The following TMPRSS9 variants were observed in gnomAD, a reference collection of about 807,000 sequenced individuals.
TMPRSS9 encodes transmembrane serine protease 9.
Under a neutral mutation model 111.4 loss-of-function variants are expected in TMPRSS9, and 113 were observed. That is an observed-to-expected ratio of 1.01 (90% CI 0.87 to 1.19). The LOEUF is 1.19. TMPRSS9 is among the 50% of genes most tolerant of loss of function. TMPRSS9 has a pLI of 0.00. For synonymous variants in TMPRSS9, 805 were observed against 659.1 expected (o/e 1.22, Z -3.39); for missense variants, 1,803 against 1,513.1 (o/e 1.19, Z -3.18).
chr19:2,363,254 C>T (rs987376637), intron 1 of TMPRSS9, among the ~76,000 whole-genome samples: 1 of 152,120 alleles, frequency 6.6e-6, no homozygotes, highest in Non-Finnish European at 1.5e-5. Flanking sequence ...GTGTAAAATA[C>T]GGAGCTTGGA....
intron 1 of TMPRSS9, among the ~76,000 whole-genome samples, chr19:2,374,248 CTTTTTTTTTTTTT>C (rs1027376774): frequency 0.057 from 4,008 of 70,324 alleles, 334 homozygotes; most frequent in African/African-American, 0.17. Context: ...TCTCAACAAT[CTTTTTTTTTTTTT>C]TTTTTTTTTT....
intron 4 of TMPRSS9, among the ~76,000 whole-genome samples, chr19:2,401,070 C>G (rs368204438): frequency 6.2e-5 from 9 of 145,546 alleles, no homozygotes; most frequent in South Asian, 2.2e-4. Context: ...GTCAGGAGAT[C>G]GAGACCATCC....
At position 2,414,019 on chromosome 19, in the gene TMPRSS9, G is replaced by C. The variant is rs763881424; in HGVS notation, c.1573+1G>C. 2 of 1,565,158 alleles carry C rather than the reference G, an allele frequency of 1.3e-6. No homozygotes were observed. The highest frequency in any genetic ancestry group is 1.7e-6 in the Non-Finnish European group (2 of 1,151,118). On this transcript the variant is annotated splice_donor_variant, in intron 10 of 17. Coordinates refer to ENST00000648592, the Ensembl canonical transcript of TMPRSS9. LOFTEE classifies it high-confidence loss of function. ...TGGGTCACCGTTCCTAAGCTACAAG[G>C]TATTTTCGGGGCAGAAAGGTAGAAG...
intron 1 of TMPRSS9, among the ~76,000 whole-genome samples, chr19:2,376,972 G>T (rs1339905382): frequency 6.6e-6 from 1 of 152,004 alleles, no homozygotes; most frequent in African/African-American, 2.4e-5. Flanking sequence ...ACACCAGCGC[G>T]TGTCTGGCCC....
intron 14 of TMPRSS9, 44 bp from the exon 16 acceptor site, chr19:2,424,045 A>G: frequency 8.0e-7 from 1 of 1,249,454 alleles, no homozygotes; most frequent in Non-Finnish European, 1.0e-6. Flanking sequence ...TTCGTGGAGG[A>G]GGTGCCCTGG....
rs140023303 is a variant in TMPRSS9 at position 2,396,653 on chromosome 19, C to T, written c.257C>T (p.Thr86Ile). ...GACTATCACCGCACGCTGACGCCCA[C>T]CCTGGAGGCACTGGTGAGGGTGGTC... is the stretch of plus-strand genomic sequence containing the variant. The change falls in exon 2 of 18, where the codon ACC becomes ATC. Residue 86 changes from threonine (T) to isoleucine (I), a missense_variant. Physicochemically the swap from Thr to Ile is moderately conservative, Grantham distance 89. Transcript: ENST00000648592. The T allele has an allele frequency of 3.1e-6, 5 of 1,608,560 alleles. No individual in the cohort carries two copies. In the African/African-American group the frequency reaches 6.7e-5, roughly 21 times the overall value.
intron 1 of TMPRSS9, 88 bp from the exon 3 acceptor site, chr19:2,396,451 G>A: frequency 6.9e-7 from 1 of 1,444,144 alleles, no homozygotes; most frequent in South Asian, 1.4e-5. Flanking sequence ...GTGTGTGAGT[G>A]CAAACAGGGC....
intron 9 of TMPRSS9, among the ~76,000 whole-genome samples, chr19:2,410,853 C>T (rs1407902200): frequency 6.6e-6 from 1 of 152,128 alleles, no homozygotes; most frequent in Admixed American, 6.6e-5. Context: ...CAACGTGGCA[C>T]CCAAGAAACA....
intron 1 of TMPRSS9, among the ~76,000 whole-genome samples, chr19:2,371,470 T>G (rs998658172): frequency 2.6e-5 from 4 of 152,112 alleles, no homozygotes; most frequent in African/African-American, 9.7e-5. Context: ...GCGGATTGCC[T>G]GAGTTCAGGT....
exon 15 of TMPRSS9, chr19:2,424,167 T>C: frequency 6.8e-7 from 1 of 1,464,486 alleles, no homozygotes; most frequent in Non-Finnish European, 9.1e-7. Context: ...CCGTGGCAGG[T>C]GAGCCTGTGG....
chr19:2,405,153 G>A (rs914287450), intron 6 of TMPRSS9, among the ~76,000 whole-genome samples: 2 of 152,064 alleles, frequency 1.3e-5, no homozygotes, highest in African/African-American at 2.4e-5. Context: ...TGGTGCACGT[G>A]ACCTTGAATG....
intron 1 of TMPRSS9, among the ~76,000 whole-genome samples, chr19:2,382,299 A>G (rs916976836): frequency 8.5e-6 from 1 of 117,284 alleles, no homozygotes; most frequent in Non-Finnish European, 1.7e-5. Flanking sequence ...TGCCCGGCTA[A>G]TTTTTTTATT....
intron 6 of TMPRSS9, among the ~76,000 whole-genome samples, chr19:2,404,193 A>G (rs1970919061): frequency 6.6e-6 from 1 of 152,100 alleles, no homozygotes; most frequent in African/African-American, 2.4e-5. Flanking sequence ...ATGCTGGAAG[A>G]GTAGCCAATG....
chr19:2,368,521 G>A (rs749267125), intron 1 of TMPRSS9, among the ~76,000 whole-genome samples: 1 of 152,124 alleles, frequency 6.6e-6, no homozygotes, highest in Non-Finnish European at 1.5e-5. Context: ...AGACCCGGTC[G>A]CTGTGGGGAG....
intron 15 of TMPRSS9, among the ~76,000 whole-genome samples, chr19:2,424,534 G>GCCCCCCCC (rs879741232): frequency 1.0e-4 from 14 of 134,234 alleles, no homozygotes; most frequent in African/African-American, 3.3e-4. Flanking sequence ...GGAAGCTGCG[G>GCCCCCCCC]CCCCCCCCCT....
chr19:2,393,147 A>G (rs1012719978), intron 1 of TMPRSS9, among the ~76,000 whole-genome samples: 3 of 152,168 alleles, frequency 2.0e-5, no homozygotes, highest in South Asian at 2.1e-4. Context: ...TGGAGCCAGC[A>G]GCGGCAACCG....
upstream of TMPRSS9, among the ~76,000 whole-genome samples, chr19:2,385,200 T>TCG (rs1464503844): frequency 3.5e-5 from 1 of 28,334 alleles, no homozygotes; most frequent in African/African-American, 1.4e-4. Flanking sequence ...GGGGCGGGGC[T>TCG]CGAGGGGGCG....
intron 7 of TMPRSS9, among the ~76,000 whole-genome samples, chr19:2,407,526 C>CA (rs1455752503): frequency 6.8e-6 from 1 of 148,030 alleles, no homozygotes; most frequent in Non-Finnish European, 1.5e-5. Context: ...GACTCTGTCT[C>CA]AAAAAAACAA....
chr19:2,421,275 G>A (rs1971456324), intron 13 of TMPRSS9, among the ~76,000 whole-genome samples: 1 of 151,322 alleles, frequency 6.6e-6, no homozygotes. Flanking sequence ...ATTCATGGCT[G>A]TTATTGTTGT....
Sources: allele counts gnomAD v4.1 joint callset (sites outside exome capture counted in the v4.1 genomes callset), GRCh38; gene constraint gnomAD v4.1.1; transcripts MANE v1.5; gene names NCBI Gene and HGNC (gene_info 2026-07-23, HGNC 2026-07-21).